The following AGAP1 variants were observed in gnomAD, a reference collection of about 807,000 sequenced individuals.
The protein encoded by AGAP1 is ArfGAP with GTPase domain, ankyrin repeat and PH domain 1.
AGAP1 carries 29 observed loss-of-function variants against 105.3 expected under a neutral mutation model. The observed-to-expected ratio is 0.28, with a 90% CI of 0.21 to 0.38. The LOEUF (loss-of-function observed/expected upper bound fraction) is 0.38. Ranked by LOEUF, AGAP1 falls within the 10% of genes least tolerant of loss-of-function variation. The probability of loss-of-function intolerance (pLI) is 1.00; values close to 1 mark genes in which losing one functional copy is unlikely to be tolerated. For missense variants in AGAP1, 998 were observed against 1,165.1 expected (o/e 0.86, Z 2.09); for synonymous variants, 509 against 485.9 (o/e 1.05, Z -0.63).
At chr2:235,668,283 G>A (rs1245877312) in intron 1 of AGAP1, among the ~76,000 whole-genome samples, 1 of 152,120 alleles carries the variant, frequency 6.6e-6, no homozygotes, top group African/African-American at 2.4e-5. Context: ...GATTTCCTAG[G>A]CTATAACTTC....
At chr2:236,068,797 CAAAAA>C (rs35724496) in intron 16 of AGAP1, among the ~76,000 whole-genome samples, 4 of 57,604 alleles carry the variant, frequency 6.9e-5, no homozygotes, top group African/African-American at 1.3e-4. Context: ...GACTCCGTCT[CAAAAA>C]AAAAAAAAAA....
At position 236,038,454 on chromosome 2, in the gene AGAP1, G is replaced by A. The variant is rs983332219; in HGVS notation, c.1800+1739G>A. Among the ~76,000 whole-genome samples, 3 of 152,112 alleles carry A rather than the reference G, an allele frequency of 2.0e-5. No individual in the cohort carries two copies. The highest frequency in any genetic ancestry group is 7.2e-5 in the African/African-American group (3 of 41,404). On this transcript the variant is annotated intron_variant, in intron 14 of 17. Coordinates refer to ENST00000304032, the MANE Select transcript of AGAP1 (RefSeq NM_001037131.3). This position sits in a 1 kb window ranked among gnomAD's most constrained non-coding sequence, Gnocchi z 4.5. ...CACCTTGCCAGGCTCCTCCTGACTC[G>A]TGTCTCAGCTCATGCACACACCAGC... is the stretch of plus-strand genomic sequence containing the variant.
rs2051032250 is a variant in AGAP1, at chr2:235,900,845, GC to G, written c.1156-7892del. ...GCTGGTCACTGTCATGCACTTACAAGCATGGGTCAGGTAGTCTTCAGGAACG... is the reference window on the plus strand; with the variant it reads ...GCTGGTCACTGTCATGCACTTACAAGATGGGTCAGGTAGTCTTCAGGAACG... On this transcript the variant is annotated intron_variant, in intron 10 of 17. Coordinates refer to ENST00000304032, the MANE Select transcript of AGAP1 (RefSeq NM_001037131.3). The surrounding 1 kb of genome is among the most constrained non-coding windows in gnomAD (Gnocchi z 5.5). Among the ~76,000 whole-genome samples the G allele has an allele frequency of 6.6e-6, 1 of 152,224 alleles. No individual in the cohort carries two copies. The highest frequency in any genetic ancestry group is 1.5e-5 in the Non-Finnish European group (1 of 68,044).
At position 235,959,919 on chromosome 2, in the gene AGAP1, C is replaced by G. The variant is rs562550809; in HGVS notation, c.1484-8543C>G. Among the ~76,000 whole-genome samples the G allele has an allele frequency of 5.6e-3, 859 of 152,292 alleles. 16 individuals are homozygous for G. Among genetic ancestry groups the G allele is most frequent in the African/African-American group, 0.019 (797 of 41,570 alleles). On this transcript the variant is annotated intron_variant, in intron 12 of 17. Coordinates refer to ENST00000304032, the MANE Select transcript of AGAP1 (RefSeq NM_001037131.3). The surrounding 1 kb of genome is among the most constrained non-coding windows in gnomAD (Gnocchi z 7.3). Reference sequence around the variant, plus strand: ...CTCCCTTTTGGGCCACCGTAGACACCCCACCTCTGAGTGGTCAGGCGCCAC... The same window carrying G: ...CTCCCTTTTGGGCCACCGTAGACACGCCACCTCTGAGTGGTCAGGCGCCAC...
At chr2:236,029,937 CTG>C (rs960254113) in intron 13 of AGAP1, among the ~76,000 whole-genome samples, 21 of 152,150 alleles carry the variant, frequency 1.4e-4, no homozygotes, top group African/African-American at 4.8e-4. Context: ...TGAGGTCTCA[CTG>C]TGTTGCCCAG....
intron 12 of AGAP1, among the ~76,000 whole-genome samples, chr2:235,932,707 T>C (rs1559663479): frequency 6.6e-6 from 1 of 152,230 alleles, no homozygotes; most frequent in Admixed American, 6.5e-5. Context: ...CACACTTACC[T>C]GTTTGATAAA....
chr2:235,845,694 C>T lies in AGAP1; in HGVS notation c.1051-37651C>T, dbSNP rs1485781474. Among the ~76,000 whole-genome samples the T allele has an allele frequency of 6.6e-6, 1 of 151,958 alleles. No individual in the cohort carries two copies. The highest frequency in any genetic ancestry group is 1.5e-5 in the Non-Finnish European group (1 of 67,982). On this transcript the variant is annotated intron_variant, in intron 9 of 17. Transcript: ENST00000304032. The surrounding 1 kb of genome is among the most constrained non-coding windows in gnomAD (Gnocchi z 4.8). ...CTCTCGGTGACATCCACGGAGTCAC[C>T]CAAGTCACCAGCCGGGACTATTCCT...
In AGAP1 at chr2:236,009,053, G is replaced by A. The variant is rs1434696600; in HGVS notation, c.1646-27508G>A. On this transcript the variant is annotated intron_variant, in intron 13 of 17. Coordinates refer to ENST00000304032, the MANE Select transcript of AGAP1 (RefSeq NM_001037131.3). The surrounding 1 kb of genome is among the most constrained non-coding windows in gnomAD (Gnocchi z 4.2). ...CCCTTCAAAGGCCCTTTGAACTGAT[G>A]TTTCAACATGACTCCTTCTCTGTGA... Among the ~76,000 whole-genome samples the A allele has an allele frequency of 6.6e-6, 1 of 152,150 alleles. No individual in the cohort carries two copies. The highest frequency in any genetic ancestry group is 2.4e-5 in the African/African-American group (1 of 41,430).
intron 16 of AGAP1, among the ~76,000 whole-genome samples, chr2:236,110,344 C>A (rs1222238838): frequency 1.3e-5 from 2 of 149,778 alleles, no homozygotes; most frequent in African/African-American, 5.0e-5. Context: ...ACCTGGGCAA[C>A]AGAGAAAGAC....
chr2:236,075,027 T>G (rs2058599286), intron 16 of AGAP1, among the ~76,000 whole-genome samples: 1 of 152,132 alleles, frequency 6.6e-6, no homozygotes, highest in African/African-American at 2.4e-5. Flanking sequence ...CACTCCAGCT[T>G]AGACGATAGA....
chr2:235,637,071 GTT>G (rs781424536), intron 1 of AGAP1, among the ~76,000 whole-genome samples: 2 of 152,130 alleles, frequency 1.3e-5, no homozygotes, highest in Non-Finnish European at 2.9e-5. Context: ...ATGTATGTCT[GTT>G]TCTGAAGCCA....
chr2:235,516,513 C>G (rs1228041149), intron 1 of AGAP1, among the ~76,000 whole-genome samples: 2 of 152,120 alleles, frequency 1.3e-5, no homozygotes, highest in Non-Finnish European at 2.9e-5. Context: ...GAATTTGGAG[C>G]CTCTGTTTCC....
chr2:236,036,826 C>T lies in AGAP1; in HGVS notation c.1800+111C>T. 1 of 1,467,788 alleles carries T rather than the reference C, an allele frequency of 6.8e-7. No individual in the cohort carries two copies. The highest frequency in any genetic ancestry group is 9.1e-7 in the Non-Finnish European group (1 of 1,101,656). The allele number at this position is 1,467,788 out of a possible 1,614,324, so 90.9% of individuals were successfully genotyped here. The stretch of plus-strand genomic sequence containing the variant: ...AGAGGACCAGTGTGAATGACAGGAC[C>T]TAGCTATTCTTTATGAGCAGAAAGC... On this transcript the variant is annotated intron_variant, in intron 14 of 17. Transcript: ENST00000304032. The surrounding 1 kb of genome is among the most constrained non-coding windows in gnomAD (Gnocchi z 5.7).
intron 16 of AGAP1, among the ~76,000 whole-genome samples, chr2:236,069,132 A>G (rs1430542549): frequency 6.6e-6 from 1 of 152,112 alleles, no homozygotes; most frequent in African/African-American, 2.4e-5. Flanking sequence ...ATCTTAAAAA[A>G]AAAAAAAGAA....
intron 11 of AGAP1, among the ~76,000 whole-genome samples, chr2:235,922,309 G>A (rs529733124): frequency 6.6e-6 from 1 of 152,210 alleles, no homozygotes; most frequent in Non-Finnish European, 1.5e-5. Flanking sequence ...CAATTCTGCA[G>A]TGGGAATAAA....
At position 235,552,949 on chromosome 2, in the gene AGAP1, A is replaced by G. The variant is rs1943860630; in HGVS notation, c.163+58100A>G. Among the ~76,000 whole-genome samples the G allele has an allele frequency of 6.6e-6, 1 of 152,202 alleles. No individual in the cohort carries two copies. The highest frequency in any genetic ancestry group is 2.4e-5 in the African/African-American group (1 of 41,456). ...ACTTCTCACACACATACATCCACAC[A>G]TGTGCATCTGATTGTGTGTGTGACA... On this transcript the variant is annotated intron_variant, in intron 1 of 17. Transcript: ENST00000304032. The surrounding 1 kb of genome is among the most constrained non-coding windows in gnomAD (Gnocchi z 5.9).
At chr2:235,603,220 C>T (rs11688066) in intron 1 of AGAP1, among the ~76,000 whole-genome samples, 64,321 of 151,556 alleles carry the variant, frequency 0.42, 14,098 homozygotes, top group East Asian at 0.64. Flanking sequence ...CGGCTCTCGT[C>T]TCTCTCTTGC....
In AGAP1 at chr2:235,864,667, C is replaced by T. The variant is rs1485607754; in HGVS notation, c.1051-18678C>T. On this transcript the variant is annotated intron_variant, in intron 9 of 17. Coordinates refer to ENST00000304032, the MANE Select transcript of AGAP1 (RefSeq NM_001037131.3). The surrounding 1 kb of genome is among the most constrained non-coding windows in gnomAD (Gnocchi z 5.0). ...GAGACAGAGTGAAAGGAAAGAAAAA[C>T]GAGGCGATCAAGAGATAATATTAAC... Among the ~76,000 whole-genome samples, 2 of 152,080 alleles carry T rather than the reference C, an allele frequency of 1.3e-5. No individual in the cohort carries two copies. The highest frequency in any genetic ancestry group is 2.4e-5 in the African/African-American group (1 of 41,414).
rs374979512 is a variant in AGAP1, at chr2:235,620,367, C to T, written c.164-88812C>T. The stretch of plus-strand genomic sequence containing the variant: ...GCAGCCAGGGGCATCCCTGAGAAGC[C>T]GGGTCAGAGTGTGATGCCCTCTGCC... On this transcript the variant is annotated intron_variant, in intron 1 of 17. Coordinates refer to ENST00000304032, the MANE Select transcript of AGAP1 (RefSeq NM_001037131.3). The surrounding 1 kb of genome is among the most constrained non-coding windows in gnomAD (Gnocchi z 4.5). Among the ~76,000 whole-genome samples, 4 of 152,158 alleles carry T rather than the reference C, an allele frequency of 2.6e-5. No individual in the cohort carries two copies. The highest frequency in any genetic ancestry group is 6.5e-5 in the Admixed American group (1 of 15,268).
Sources: allele counts gnomAD v4.1 joint callset (sites outside exome capture counted in the v4.1 genomes callset), GRCh38; gene constraint gnomAD v4.1.1; non-coding constraint Gnocchi (gnomAD v3.1); transcripts MANE v1.5; gene names NCBI Gene and HGNC (gene_info 2026-07-23, HGNC 2026-07-21).